Variants in CEP76 observed in about 807,000 individuals in gnomAD.
CEP76 encodes the protein centrosomal protein 76, also known as centrosomal protein of 76 kDa.
A neutral mutation model predicts 83.3 loss-of-function variants in CEP76; 55 were observed. The observed-to-expected ratio is 0.66, with a 90% CI of 0.53 to 0.83. The LOEUF (loss-of-function observed/expected upper bound fraction) is 0.83, where lower values mean the gene tolerates loss of function less well. CEP76 is among the 40% of genes least tolerant of loss of function. The pLI is 0.00. For missense variants in CEP76, 694 were observed against 799.5 expected, an observed-to-expected ratio of 0.87 and a Z score of 1.59; for synonymous variants, 270 against 274.5, an observed-to-expected ratio of 0.98 and a Z score of 0.16.
chr18:12,700,207 T>C (rs1421097526), intron 2 of CEP76: 1 of 194,328 alleles, frequency 5.1e-6, no homozygotes, highest in Non-Finnish European at 1.0e-5. Context: ...CTGTAAACCT[T>C]ATGTAACAGT....
intron 8 of CEP76, among the ~76,000 whole-genome samples, chr18:12,683,613 T>C (rs992997510): frequency 6.6e-6 from 1 of 150,614 alleles, no homozygotes; most frequent in African/African-American, 2.4e-5. Flanking sequence ...GAGCTGGGGG[T>C]GGTGGCGGGC....
At chr18:12,683,549 G>A (rs537391483) in intron 8 of CEP76, among the ~76,000 whole-genome samples, 9 of 152,004 alleles carry the variant, frequency 5.9e-5, no homozygotes, top group East Asian at 1.9e-4. Context: ...TCAGGAGTTC[G>A]AGACCAGCCT....
rs1054317259 is a variant in CEP76 at position 12,701,029 on chromosome 18, C to T, written c.148G>A (p.Glu50Lys). Reference protein sequence around the residue: ...LAPDQQHLSTEDLIKALRRRG... With the variant: ...LAPDQQHLSTKDLIKALRRRG... Reference sequence around the variant, plus strand: ...CGTCTAAGGGCTTTGATCAAATCTTCTGTTGATAAATGCTGTTGATCAGGT... The same window carrying T: ...CGTCTAAGGGCTTTGATCAAATCTTTTGTTGATAAATGCTGTTGATCAGGT... Residue 50 changes from glutamate (E) to lysine (K), a missense_variant, in exon 2 of 12, where the codon GAA becomes AAA. Coordinates refer to ENST00000262127, the MANE Select transcript of CEP76 (RefSeq NM_024899.4). 6.2e-7 allele frequency: 1 copy of T among 1,613,758 alleles called. No homozygotes were observed. The highest frequency in any genetic ancestry group is 1.3e-5 in the African/African-American group (1 of 74,926).
At chr18:12,698,375 G>A (rs939060561) in intron 4 of CEP76, among the ~76,000 whole-genome samples, 5 of 152,066 alleles carry the variant, frequency 3.3e-5, no homozygotes, top group Non-Finnish European at 7.4e-5. Flanking sequence ...CGACATGTTG[G>A]CTAGGCTGGT....
At position 12,674,528 on chromosome 18, in the gene CEP76, C is replaced by T. The variant is rs1307969765; in HGVS notation, c.1841+8G>A. The T allele has an allele frequency of 1.9e-6, 3 of 1,602,090 alleles. No individual in the cohort carries two copies. Among genetic ancestry groups the T allele is most frequent in the East Asian group, 2.2e-5 (1 of 44,712 alleles). On this transcript the variant is annotated splice_region_variant and intron_variant, in intron 11 of 11. Transcript: ENST00000262127. Reference sequence around the variant, plus strand: ...ACTGAAAAAATGATTCCGTAAATTACACCTTACCGAAGACATGTGGCAAAT... The same window carrying T: ...ACTGAAAAAATGATTCCGTAAATTATACCTTACCGAAGACATGTGGCAAAT...
chr18:12,691,709 A>ATT (rs537984227), intron 6 of CEP76, among the ~76,000 whole-genome samples: 123 of 140,314 alleles, frequency 8.8e-4, no homozygotes, highest in Middle Eastern at 3.6e-3. Flanking sequence ...CAAAGACAGA[A>ATT]TTTTTTTTTT....
intron 1 of CEP76, among the ~76,000 whole-genome samples, chr18:12,702,130 G>C (rs1409878549): frequency 6.6e-6 from 1 of 151,692 alleles, no homozygotes. Flanking sequence ...TCTCAAGAAA[G>C]AAAAAAAACC....
At chr18:12,702,730 C>A, upstream of CEP76, 1 of 650,756 alleles carries the variant, frequency 1.5e-6, no homozygotes, top group East Asian at 3.1e-5. Flanking sequence ...AAATGAGGCC[C>A]CGGCGGCGGC....
chr18:12,683,186 C>CAAAAAAAAAAA lies in CEP76; in HGVS notation c.1123-2369_1123-2359dup, dbSNP rs765652085. On this transcript the variant is annotated intron_variant, in intron 8 of 11. Transcript: ENST00000262127. Reference sequence around the variant, plus strand: ...GAAACCCCATCTCTACTAAAAATACCAAAAAAAAAAAAAAAAAAGCCAGGC... The same window carrying CAAAAAAAAAAA: ...GAAACCCCATCTCTACTAAAAATACCAAAAAAAAAAAAAAAAAAAAAAAAAAAAAGCCAGGC... Among the ~76,000 whole-genome samples, 39 of 63,662 alleles carry CAAAAAAAAAAA rather than the reference C, an allele frequency of 6.1e-4. 2 individuals carry two copies. Among genetic ancestry groups the CAAAAAAAAAAA allele is most frequent in the African/African-American group, 1.8e-3 (31 of 16,992 alleles). The allele number at this position is 63,662 out of a possible 152,430, so 41.8% of individuals were successfully genotyped here.
At chr18:12,691,705 C>G (rs1163052863) in intron 6 of CEP76, among the ~76,000 whole-genome samples, 1 of 145,482 alleles carries the variant, frequency 6.9e-6, no homozygotes, top group Non-Finnish European at 1.5e-5. Context: ...TCCTCAAAGA[C>G]AGAATTTTTT....
rs778173550 is a variant in CEP76, at chr18:12,686,323, AT to A, written c.1060del (p.Ile354LeufsTer40). The A allele has an allele frequency of 2.5e-6, 4 of 1,614,106 alleles. No individual in the cohort carries two copies. The highest frequency in any genetic ancestry group is 3.4e-6 in the Non-Finnish European group (4 of 1,180,000). On this transcript the variant is annotated frameshift_variant, in exon 8 of 12. Coordinates refer to ENST00000262127, the MANE Select transcript of CEP76 (RefSeq NM_024899.4). LOFTEE classifies it high-confidence loss of function. The part of the protein sequence containing the change: ...NVLGYERAPV[I>X]GGGGKQEQWC... The stretch of plus-strand genomic sequence containing the variant: ...CTGCTCCTGTTTACCTCCTCCTCCA[AT>A]AACAGGGGCTCGTTCATAACCAAGG...
At chr18:12,665,495 G>A (rs1267411077) in intron 12 of CEP76, among the ~76,000 whole-genome samples, 1 of 152,104 alleles carries the variant, frequency 6.6e-6, no homozygotes, top group Non-Finnish European at 1.5e-5. Flanking sequence ...GGAACACTGT[G>A]TCTTTCCCTT....
intron 5 of CEP76, among the ~76,000 whole-genome samples, chr18:12,696,930 CTTATAT>C (rs111570248): frequency 0.015 from 2,214 of 152,176 alleles, 62 homozygotes; most frequent in African/African-American, 0.051. Context: ...TCTTTATAGC[CTTATAT>C]TTAATCAAAT....
At chr18:12,667,273 A>T (rs1191422168) in intron 12 of CEP76, among the ~76,000 whole-genome samples, 2 of 152,124 alleles carry the variant, frequency 1.3e-5, no homozygotes, top group Non-Finnish European at 2.9e-5. Context: ...CCTGTATTTG[A>T]GTGAGACCTT....
At chr18:12,675,265 G>A (rs1181327443) in intron 10 of CEP76, among the ~76,000 whole-genome samples, 2 of 151,966 alleles carry the variant, frequency 1.3e-5, no homozygotes, top group South Asian at 2.1e-4. Context: ...GCGTGGTGGC[G>A]GGTGCATGTA....
At chr18:12,700,777 A>C (rs1441008714) in intron 2 of CEP76, among the ~76,000 whole-genome samples, 181 bp downstream of exon 2, 1 of 152,184 alleles carries the variant, frequency 6.6e-6, no homozygotes, top group African/African-American at 2.4e-5. Context: ...TTGATACACA[A>C]AACTATTCAG....
At chr18:12,662,205 A>G (rs1318639413) in intron 12 of CEP76, 4 of 441,688 alleles carry the variant, frequency 9.1e-6, no homozygotes, top group African/African-American at 8.2e-5. Context: ...AAAAAAAAAC[A>G]GCATATTTTT....
Position 12,695,253 on chromosome 18 carries a change from C to A in CEP76, c.804+1G>T. ...AAAAAGAGAAACTCATAAGTATTTACCTGTGTGTTCACTACTTCTTGAGAT... is the reference window on the plus strand; with the variant it reads ...AAAAAGAGAAACTCATAAGTATTTAACTGTGTGTTCACTACTTCTTGAGAT... On this transcript the variant is annotated splice_donor_variant, in intron 6 of 11. Coordinates refer to ENST00000262127, the MANE Select transcript of CEP76 (RefSeq NM_024899.4). LOFTEE classifies it high-confidence loss of function. The A allele has an allele frequency of 7.3e-7, 1 of 1,376,272 alleles. No individual in the cohort carries two copies. Among genetic ancestry groups the A allele is most frequent in the African/African-American group, 1.4e-5 (1 of 69,096 alleles). The allele number at this position is 1,376,272 out of a possible 1,614,324, so 85.3% of individuals were successfully genotyped here.
At chr18:12,673,939 A>T (rs893011650) in intron 11 of CEP76, among the ~76,000 whole-genome samples, 2 of 152,202 alleles carry the variant, frequency 1.3e-5, no homozygotes, top group East Asian at 3.8e-4. Context: ...AAGACACTGT[A>T]ATTTTGGTCA....
Sources: allele counts gnomAD v4.1 joint callset (sites outside exome capture counted in the v4.1 genomes callset), GRCh38; gene constraint gnomAD v4.1.1; transcripts MANE v1.5; gene names NCBI Gene and HGNC (gene_info 2026-07-23, HGNC 2026-07-21).